PTPRF: variants seen among roughly 807,000 people sequenced by gnomAD.
PTPRF encodes receptor-type tyrosine-protein phosphatase F.
Under a neutral mutation model 201.8 loss-of-function variants are expected in PTPRF, and 59 were observed. That is an observed-to-expected ratio of 0.29 (90% confidence interval 0.24 to 0.36). The LOEUF (loss-of-function observed/expected upper bound fraction) is 0.36, where lower values mean the gene tolerates loss of function less well. PTPRF is among the 10% of genes least tolerant of loss of function. The pLI is 1.00. For missense variants in PTPRF, 2,132 were observed against 2,690.5 expected (o/e 0.79, Z 4.59); for synonymous variants, 1,088 against 1,089.7 (o/e 1.00, Z 0.03).
At position 43,619,379 on chromosome 1, in the gene PTPRF, G is replaced by A. The variant is rs1557875012; in HGVS notation, c.4738G>A (p.Val1580Met). Residue 1580 changes from valine (V) to methionine (M), a missense_variant, in exon 28 of 34, where the codon GTG becomes ATG. This residue lies in a region of PTPRF where 519 missense variants were observed against 659.5 expected (regional missense o/e 0.79). Coordinates refer to ENST00000359947, the MANE Select transcript of PTPRF (RefSeq NM_002840.5). ...HEKTVDIYGH[V>M]TCMRSQRNYM... ...GAAGACGGTGGACATCTATGGCCAC[G>A]TGACCTGCATGCGATCACAGAGGAA... 5.0e-6 allele frequency: 8 copies of A among 1,614,084 alleles called. No individual in the cohort carries two copies. The highest frequency in any genetic ancestry group is 1.1e-5 in the South Asian group (1 of 91,088).
chr1:43,533,888 C>T (rs116291501), intron 1 of PTPRF, among the ~76,000 whole-genome samples: 1,930 of 152,278 alleles, frequency 0.013, 34 homozygotes, highest in African/African-American at 0.042. Flanking sequence ...CTTTCGGCCC[C>T]GGCTGCCTTT....
rs756757973 is a variant in PTPRF, at chr1:43,604,970, C to G, written c.3105C>G (p.Pro1035=). The G allele has an allele frequency of 1.2e-6, 2 of 1,614,000 alleles. No individual in the cohort carries two copies. The highest frequency in any genetic ancestry group is 2.7e-5 in the African/African-American group (2 of 74,930). Residue 1035 remains proline, a synonymous_variant, in exon 17 of 34, where the codon CCC becomes CCG. Coordinates refer to ENST00000359947, the MANE Select transcript of PTPRF (RefSeq NM_002840.5). ...CTGTGCTGCTCAGCTGGGAGGTTCC[C>G]GACTCCTATAAGTCAGCTGTGCCCT... ...KTSVLLSWEV[P]DSYKSAVPFK...
At chr1:43,555,747 A>G (rs532228051) in intron 5 of PTPRF, among the ~76,000 whole-genome samples, 2 of 152,292 alleles carry the variant, frequency 1.3e-5, no homozygotes, top group Admixed American at 1.3e-4. Context: ...TCCAGCCTGT[A>G]TCATTATCCT....
chr1:43,530,858 G>C (rs1643373689), upstream of PTPRF: 1 of 152,030 alleles, frequency 6.6e-6, no homozygotes. This position sits in a 1 kb window ranked among gnomAD's most constrained non-coding sequence, Gnocchi z 4.1. Context: ...CGAGGGGAGC[G>C]CGCGGCTGGA....
At chr1:43,535,216 G>C (rs920150320) in intron 1 of PTPRF, among the ~76,000 whole-genome samples, 1 of 152,168 alleles carries the variant, frequency 6.6e-6, no homozygotes, top group Non-Finnish European at 1.5e-5. Context: ...TGTTATCGAT[G>C]GGATTGTTTG....
In PTPRF at chr1:43,588,498, A is replaced by G. The variant is rs1649756937; in HGVS notation, c.680-233A>G. Among the ~76,000 whole-genome samples, 1 of 152,144 alleles carries G rather than the reference A, an allele frequency of 6.6e-6. No individual in the cohort carries two copies. The highest frequency in any genetic ancestry group is 2.4e-5 in the African/African-American group (1 of 41,428). On this transcript the variant is annotated intron_variant, in intron 7 of 33. Coordinates refer to ENST00000359947, the MANE Select transcript of PTPRF (RefSeq NM_002840.5). This position sits in a 1 kb window ranked among gnomAD's most constrained non-coding sequence, Gnocchi z 5.3. ...TGGGAGCTTGGTTGCAAGATCTCTC[A>G]TTGAGTAAGTCATCGTGCTCCAGAC...
At position 43,588,783 on chromosome 1, in the gene PTPRF, G is replaced by A. The variant is rs1649847659; in HGVS notation, c.732G>A (p.Met244Ile). Residue 244 changes from methionine to isoleucine, a missense_variant, in exon 8 of 34, where the codon ATG (methionine) becomes ATA (isoleucine). Physicochemically the swap from Met to Ile is conservative, Grantham distance 10. Transcript: ENST00000359947. This position sits in a 1 kb window ranked among gnomAD's most constrained non-coding sequence, Gnocchi z 5.3. ...TCCCTCCCAGCAGCCAGGAGGTGAT[G>A]CCAGGCGGCAGCGTGAACCTGACAT... is the stretch of plus-strand genomic sequence containing the variant. ...FSIPPSSQEV[M>I]PGGSVNLTCV... 1.9e-6 allele frequency: 3 copies of A among 1,613,982 alleles called. No individual in the cohort carries two copies. The highest frequency in any genetic ancestry group is 2.5e-6 in the Non-Finnish European group (3 of 1,180,026).
At chr1:43,592,118 G>A (rs1165825316) in intron 10 of PTPRF, among the ~76,000 whole-genome samples, 170 bp downstream of exon 10, 1 of 150,764 alleles carries the variant, frequency 6.6e-6, no homozygotes, top group African/African-American at 2.4e-5. Flanking sequence ...CGCACAGCCT[G>A]TATGAATCTG....
intron 11 of PTPRF, among the ~76,000 whole-genome samples, chr1:43,596,760 T>G (rs1403547452): frequency 6.6e-6 from 1 of 152,070 alleles, no homozygotes; most frequent in Non-Finnish European, 1.5e-5. Flanking sequence ...TATGTGGCTG[T>G]GTGTGCGGGT....
At chr1:43,574,744 C>T (rs1646811316) in intron 6 of PTPRF, among the ~76,000 whole-genome samples, 2 of 152,382 alleles carry the variant, frequency 1.3e-5, no homozygotes, top group South Asian at 4.1e-4. Flanking sequence ...ATAACCCTCA[C>T]TCCCAGGTCC....
intron 3 of PTPRF, among the ~76,000 whole-genome samples, chr1:43,552,215 A>G (rs1244447789): frequency 6.6e-6 from 1 of 151,912 alleles, no homozygotes; most frequent in Admixed American, 6.6e-5. Flanking sequence ...CCTCCCAGTC[A>G]TTCTTTGGCC....
chr1:43,620,327 C>T, intron 30 of PTPRF, 106 bp downstream of exon 30: 1 of 1,547,360 alleles, frequency 6.5e-7, no homozygotes, highest in South Asian at 1.2e-5. Context: ...ACCCCAGCTG[C>T]TTGTCAGCAT....
chr1:43,587,060 G>C (rs891012471), intron 7 of PTPRF, among the ~76,000 whole-genome samples: 20 of 152,182 alleles, frequency 1.3e-4, no homozygotes, highest in African/African-American at 4.8e-4. Context: ...CACCTGTCAG[G>C]CCTGGTCTCT....
chr1:43,548,609 T>C (rs2842188), intron 3 of PTPRF, among the ~76,000 whole-genome samples: 111,521 of 152,094 alleles, frequency 0.73, 42,015 homozygotes, highest in African/African-American at 0.91. Flanking sequence ...ATGGATGAGG[T>C]GCCTGGAACC....
upstream of PTPRF, among the ~76,000 whole-genome samples, chr1:43,524,414 C>T (rs935953442): frequency 1.3e-5 from 2 of 152,152 alleles, no homozygotes; most frequent in African/African-American, 4.8e-5. Flanking sequence ...AATCCCAGCA[C>T]TTTGGGAGGC....
chr1:43,530,212 T>C (rs1047991312), upstream of PTPRF, among the ~76,000 whole-genome samples: 1 of 151,816 alleles, frequency 6.6e-6, no homozygotes, highest in East Asian at 1.9e-4. This position sits in a 1 kb window ranked among gnomAD's most constrained non-coding sequence, Gnocchi z 4.1. Context: ...GAATTCAGAG[T>C]GCATTGGTGT....
chr1:43,589,018 T>C lies in PTPRF; in HGVS notation c.949+18T>C. 2.0e-6 allele frequency: 3 copies of C among 1,526,008 alleles called. No individual in the cohort carries two copies. The South Asian group carries it at 3.9e-5, about 20-fold the overall frequency. The allele number at this position is 1,526,008 out of a possible 1,614,324, so 94.5% of individuals were successfully genotyped here. On this transcript the variant is annotated intron_variant, in intron 8 of 33. Transcript: ENST00000359947. Reference sequence around the variant, plus strand: ...AGTGAAAGGTGAGTGTGGCAGGTGCTGTAACCAGTGCCCTCCCTGTCATCT... The same window carrying C: ...AGTGAAAGGTGAGTGTGGCAGGTGCCGTAACCAGTGCCCTCCCTGTCATCT...
rs1209726848 is a variant in PTPRF, at chr1:43,600,747, TTC to T, written c.2314-1317_2314-1316del. Among the ~76,000 whole-genome samples the T allele has an allele frequency of 2.0e-5, 3 of 150,844 alleles. No homozygotes were observed. The East Asian group carries it at 5.9e-4, about 30-fold the overall frequency. On this transcript the variant is annotated intron_variant, in intron 13 of 33. Coordinates refer to ENST00000359947, the MANE Select transcript of PTPRF (RefSeq NM_002840.5). ...CTTTTTCCCCTCTCGTGGCCTGCAT[TTC>T]TCTCTCCTTCTTGGAGTCTCTGTTT... is the stretch of plus-strand genomic sequence containing the variant.
At chr1:43,607,153 G>C (rs1655326922) in intron 21 of PTPRF, among the ~76,000 whole-genome samples, 185 bp downstream of exon 21, 1 of 152,228 alleles carries the variant, frequency 6.6e-6, no homozygotes, top group Non-Finnish European at 1.5e-5. Flanking sequence ...GCCTGCATCT[G>C]TCAGGTGAGG....
Sources: allele counts gnomAD v4.1 joint callset (sites outside exome capture counted in the v4.1 genomes callset), GRCh38; gene constraint gnomAD v4.1.1; regional missense constraint gnomAD v4.1.1; non-coding constraint Gnocchi (gnomAD v3.1); transcripts MANE v1.5; gene names NCBI Gene and HGNC (gene_info 2026-07-23, HGNC 2026-07-21).